Variants in FARP1 observed in about 807,000 individuals in gnomAD.
FARP1 encodes FERM, ARH/RhoGEF and pleckstrin domain protein 1, also known as FERM, ARHGEF and pleckstrin domain-containing protein 1.
Under a neutral mutation model 128.8 loss-of-function variants are expected in FARP1, and 52 were observed. The observed-to-expected ratio is 0.40, with a 90% CI of 0.32 to 0.51. The LOEUF (loss-of-function observed/expected upper bound fraction) is 0.51. FARP1 is among the 20% of genes least tolerant of loss of function. The pLI is 0.45. For synonymous variants in FARP1, 580 were observed against 551.8 expected, an observed-to-expected ratio of 1.05 and a Z score of -0.72; for missense variants, 1,333 against 1,367.9, an observed-to-expected ratio of 0.97 and a Z score of 0.40.
chr13:98,155,343 C>CAAAAAAA (rs67425847), intron 1 of FARP1, among the ~76,000 whole-genome samples: 1 of 64,552 alleles, frequency 1.5e-5, no homozygotes. Flanking sequence ...AACTCTGTCT[C>CAAAAAAA]AAAAAAAAAA....
chr13:98,389,900 T>G (rs1346795325), intron 9 of FARP1, 57 bp from the exon 10 acceptor site: 1 of 1,539,670 alleles, frequency 6.5e-7, no homozygotes. Context: ...TTTCTCCTAT[T>G]TCAGTGGTGT....
At chr13:98,218,682 G>T (rs960273638) in intron 2 of FARP1, among the ~76,000 whole-genome samples, 2 of 152,172 alleles carry the variant, frequency 1.3e-5, no homozygotes, top group South Asian at 2.1e-4. Flanking sequence ...CATGCCAGTT[G>T]CGGGCCGCAG....
intron 2 of FARP1, among the ~76,000 whole-genome samples, chr13:98,236,506 T>C (rs1042175364): frequency 3.3e-5 from 5 of 152,122 alleles, no homozygotes; most frequent in African/African-American, 1.2e-4. Flanking sequence ...TCCAATGTTA[T>C]GCAGAGTTTT....
intron 2 of FARP1, among the ~76,000 whole-genome samples, chr13:98,318,936 CT>C (rs1269241629): frequency 6.9e-6 from 1 of 144,980 alleles, no homozygotes; most frequent in African/African-American, 2.6e-5. Flanking sequence ...TCCTTTGGAG[CT>C]TAGTTTTTTC....
intron 2 of FARP1, among the ~76,000 whole-genome samples, chr13:98,224,220 C>A (rs1049536619): frequency 6.6e-6 from 1 of 151,962 alleles, no homozygotes; most frequent in Non-Finnish European, 1.5e-5. Context: ...TACTACAAAC[C>A]CGTGGCTTAA....
intron 1 of FARP1, among the ~76,000 whole-genome samples, chr13:98,175,591 A>G (rs1328120869): frequency 6.6e-6 from 1 of 152,088 alleles, no homozygotes; most frequent in Non-Finnish European, 1.5e-5. Flanking sequence ...GTTCACTCAT[A>G]TTAGGTATAT....
rs529952445 is a variant in FARP1 at position 98,410,274 on chromosome 13, G to A, written c.1603-460G>A. ...CGCCAAGGGAGTTCAGGCCGATGAT[G>A]CCACCAGCTGATCTCACCCCTGTCC... On this transcript the variant is annotated intron_variant, in intron 14 of 26. Transcript: ENST00000319562. Among the ~76,000 whole-genome samples, 4 of 152,326 alleles carry A rather than the reference G, an allele frequency of 2.6e-5. No individual in the cohort carries two copies. The East Asian group carries it at 7.7e-4, about 29-fold the overall frequency.
At chr13:98,392,807 T>G (rs1890365026) in intron 11 of FARP1, among the ~76,000 whole-genome samples, 1 of 149,370 alleles carries the variant, frequency 6.7e-6, no homozygotes, top group Non-Finnish European at 1.5e-5. Context: ...TCTATAAATG[T>G]CATGTTCAGG....
intron 2 of FARP1, among the ~76,000 whole-genome samples, chr13:98,327,253 C>G (rs1448534141): frequency 6.6e-6 from 1 of 152,178 alleles, no homozygotes; most frequent in African/African-American, 2.4e-5. Context: ...TATTAGGTCA[C>G]TGTAGGCTGC....
intron 2 of FARP1, chr13:98,340,891 A>G (rs1887941028): frequency 6.6e-6 from 1 of 152,180 alleles, no homozygotes; most frequent in African/African-American, 2.4e-5. Flanking sequence ...AAGATTGGTG[A>G]TCAGTGTTCC....
intron 1 of FARP1, chr13:98,159,600 T>TAATCCC (rs1876731381): frequency 6.6e-6 from 1 of 151,888 alleles, no homozygotes; most frequent in Non-Finnish European, 1.5e-5. Context: ...ACTTCCCAGG[T>TAATCCC]AGCTGGGATT....
chr13:98,358,220 C>G (rs769062448), intron 3 of FARP1, among the ~76,000 whole-genome samples: 1 of 151,988 alleles, frequency 6.6e-6, no homozygotes. Flanking sequence ...GAACTCTCCC[C>G]TCCATCTCTT....
intron 2 of FARP1, among the ~76,000 whole-genome samples, chr13:98,215,748 G>A (rs9556910): frequency 0.12 from 18,732 of 151,986 alleles, 2,802 homozygotes; most frequent in East Asian, 0.51. Context: ...TAGAATTAAT[G>A]CCATTGTTCG....
intron 1 of FARP1, among the ~76,000 whole-genome samples, chr13:98,211,538 A>G (rs1378058977): frequency 2.0e-5 from 3 of 152,318 alleles, no homozygotes; most frequent in Middle Eastern, 3.4e-3. Flanking sequence ...AATCATTTCT[A>G]AAATACATCT....
At position 98,238,442 on chromosome 13, in the gene FARP1, G is replaced by A. The variant is rs77547312; in HGVS notation, c.171+25029G>A. Among the ~76,000 whole-genome samples, 747 of 152,238 alleles carry A rather than the reference G, an allele frequency of 4.9e-3. 1 individual carries two copies. Among genetic ancestry groups the A allele is most frequent in the Non-Finnish European group, 7.3e-3 (496 of 68,028 alleles). On this transcript the variant is annotated intron_variant, in intron 2 of 26. Coordinates refer to ENST00000319562, the MANE Select transcript of FARP1 (RefSeq NM_005766.4). ...ATTATGTGTTAATCGACTGTATTCC[G>A]TTCTCATGGTGCTAATAAAGACATA...
intron 1 of FARP1, among the ~76,000 whole-genome samples, chr13:98,161,068 C>A (rs536490165): frequency 6.6e-6 from 1 of 152,216 alleles, no homozygotes; most frequent in South Asian, 2.1e-4. Context: ...TAGAATTCCC[C>A]TATGCCCTCC....
chr13:98,372,085 T>TTC, intron 5 of FARP1, among the ~76,000 whole-genome samples: 1 of 141,152 alleles, frequency 7.1e-6, no homozygotes, highest in South Asian at 2.4e-4. Flanking sequence ...GTTTTTCTTT[T>TTC]TTTTTTTTTT....
chr13:98,297,547 G>T (rs1247769194), intron 2 of FARP1, among the ~76,000 whole-genome samples: 2 of 152,156 alleles, frequency 1.3e-5, no homozygotes, highest in Admixed American at 6.5e-5. Context: ...CCAACTGTAG[G>T]TACGATAATT....
intron 2 of FARP1, among the ~76,000 whole-genome samples, chr13:98,258,018 G>C (rs943028618): frequency 1.9e-4 from 29 of 152,040 alleles, no homozygotes; most frequent in African/African-American, 6.8e-4. Context: ...CTGTTGCCCA[G>C]GCTAGAGTGC....
Sources: gnomAD v4.1 joint callset for allele counts (sites outside exome capture counted in the v4.1 genomes callset) on GRCh38, gnomAD v4.1.1 for gene constraint, MANE v1.5 for transcripts, NCBI Gene and HGNC (gene_info 2026-07-23, HGNC 2026-07-21) for gene names.